ECM2: variants seen among roughly 807,000 people sequenced by gnomAD.
ECM2 encodes extracellular matrix protein 2.
In ECM2, 57 loss-of-function variants were observed where a neutral mutation model predicts 67.5. That is an observed-to-expected ratio of 0.84 (90% CI 0.68 to 1.05). ECM2 has a LOEUF of 1.05. ECM2 is among the 50% of genes least tolerant of loss of function. The probability of loss-of-function intolerance (pLI) is 0.00; values close to 1 mark genes in which losing one functional copy is unlikely to be tolerated. For missense variants in ECM2, 741 were observed against 822.8 expected, an observed-to-expected ratio of 0.90 and a Z score of 1.22; for synonymous variants, 258 against 294.5, an observed-to-expected ratio of 0.88 and a Z score of 1.27.
At chr9:92,545,370 G>C in the ECM2 span, among the ~76,000 whole-genome samples, 1 of 152,216 alleles carries the variant, frequency 6.6e-6, no homozygotes, top group Non-Finnish European at 1.5e-5. Flanking sequence ...CTGGGAGCGG[G>C]CAGTGAGGGA....
At chr9:92,525,427 CTTTT>C (rs959342863) in intron 1 of ECM2, among the ~76,000 whole-genome samples, 1 of 152,156 alleles carries the variant, frequency 6.6e-6, no homozygotes, top group African/African-American at 2.4e-5. Context: ...CACATAATGA[CTTTT>C]TTGTCAGTGA....
intron 8 of ECM2, 129 bp downstream of exon 8, chr9:92,502,384 G>A (rs568087825): frequency 3.4e-6 from 4 of 1,179,858 alleles, no homozygotes; most frequent in Admixed American, 2.6e-5. Flanking sequence ...ACTAAGAAAC[G>A]ATTCTGTCTC....
rs369858665 is a variant in ECM2 at position 92,496,057 on chromosome 9, A to G, written c.*258T>C. ...ACTCTTCTGGTCTAGCTCAGTATGC[A>G]TAATATCCTATTCTAGTGAGATGGC... is the stretch of plus-strand genomic sequence containing the variant. On this transcript the variant is annotated 3_prime_UTR_variant, in exon 10 of 10. Transcript: ENST00000344604. The G allele has an allele frequency of 1.0e-5, 11 of 1,083,878 alleles. No homozygotes were observed. The East Asian group carries it at 2.2e-4, about 21-fold the overall frequency. 67.1% of individuals were successfully genotyped at this position (1,083,878 alleles called of 1,614,324 possible).
chr9:92,551,934 T>TC, the ECM2 span, among the ~76,000 whole-genome samples: 1 of 97,394 alleles, frequency 1.0e-5, no homozygotes, highest in Non-Finnish European at 1.9e-5. Context: ...TGTATATATA[T>TC]ATATATATAT....
chr9:92,511,524 C>G (rs1373777596), intron 5 of ECM2, among the ~76,000 whole-genome samples: 1 of 151,888 alleles, frequency 6.6e-6, no homozygotes, highest in Admixed American at 6.6e-5. Context: ...TCTTCTTCCC[C>G]AAGCTATCCC....
At chr9:92,554,724 G>A in the ECM2 span, among the ~76,000 whole-genome samples, 4 of 151,916 alleles carry the variant, frequency 2.6e-5, no homozygotes, top group South Asian at 2.1e-4. Flanking sequence ...TGCAACCTCC[G>A]CTGCCCGGCT....
chr9:92,528,565 A>G (rs1848555656), intron 1 of ECM2, among the ~76,000 whole-genome samples: 1 of 152,204 alleles, frequency 6.6e-6, no homozygotes, highest in African/African-American at 2.4e-5. Flanking sequence ...AAACAAAACA[A>G]AAAAAACAGG....
At chr9:92,513,801 G>A (rs1049370569) in intron 4 of ECM2, among the ~76,000 whole-genome samples, 3 of 152,194 alleles carry the variant, frequency 2.0e-5, no homozygotes. Flanking sequence ...AAGGAATTTT[G>A]GGGAGTGATA....
intron 2 of ECM2, among the ~76,000 whole-genome samples, chr9:92,520,671 G>A (rs1440037931): frequency 1.3e-5 from 2 of 152,150 alleles, no homozygotes; most frequent in Non-Finnish European, 2.9e-5. Flanking sequence ...TCATAGCTGT[G>A]TTATTCATGA....
intron 5 of ECM2, among the ~76,000 whole-genome samples, chr9:92,510,469 G>GT (rs1847268954): frequency 6.6e-6 from 1 of 152,190 alleles, no homozygotes; most frequent in African/African-American, 2.4e-5. Context: ...GTAAACCTCA[G>GT]TTTTTTATCT....
intron 7 of ECM2, among the ~76,000 whole-genome samples, chr9:92,503,976 C>T (rs1044217311): frequency 1.4e-4 from 21 of 152,144 alleles, no homozygotes; most frequent in Admixed American, 7.2e-4. Flanking sequence ...CGCATTTGTG[C>T]GCTTGTATGC....
At chr9:92,558,709 A>G in the ECM2 span, among the ~76,000 whole-genome samples, 98 of 152,256 alleles carry the variant, frequency 6.4e-4, no homozygotes, top group African/African-American at 2.2e-3. Flanking sequence ...TCCCAAGACT[A>G]TAGGCCCTTT....
At chr9:92,525,534 A>G (rs1010220041) in intron 1 of ECM2, among the ~76,000 whole-genome samples, 1 of 152,204 alleles carries the variant, frequency 6.6e-6, no homozygotes, top group South Asian at 2.1e-4. Context: ...AGCATAACGC[A>G]TTACTCATAA....
chr9:92,522,485 TTCTCCCTC>T (rs1458518195), intron 2 of ECM2, 82 bp downstream of exon 2: 8 of 1,232,002 alleles, frequency 6.5e-6, no homozygotes, highest in Middle Eastern at 2.0e-4. Flanking sequence ...CATGGAGATG[TTCTCCCTC>T]TCTCCCTCTC....
chr9:92,494,377 C>A (rs529314369), downstream of ECM2, among the ~76,000 whole-genome samples: 4 of 152,304 alleles, frequency 2.6e-5, no homozygotes, highest in South Asian at 8.3e-4. Context: ...ACCCTATCTT[C>A]TTGTTTTTAC....
chr9:92,552,024 A>T, the ECM2 span, among the ~76,000 whole-genome samples: 6 of 127,022 alleles, frequency 4.7e-5, no homozygotes, highest in East Asian at 1.3e-3. Flanking sequence ...GATATGATAG[A>T]TCTATCATAT....
At chr9:92,520,750 T>C (rs921169703) in intron 2 of ECM2, among the ~76,000 whole-genome samples, 6 of 152,190 alleles carry the variant, frequency 3.9e-5, no homozygotes, top group African/African-American at 1.4e-4. Flanking sequence ...AAATATGGTA[T>C]AGCCATACAA....
At chr9:92,534,647 T>A (rs1160570474) in intron 1 of ECM2, among the ~76,000 whole-genome samples, 1 of 152,194 alleles carries the variant, frequency 6.6e-6, no homozygotes, top group African/African-American at 2.4e-5. Flanking sequence ...ATTAGCTGAT[T>A]GGCACCTGAA....
chr9:92,525,417 C>T (rs1848330613), intron 1 of ECM2, among the ~76,000 whole-genome samples: 2 of 152,142 alleles, frequency 1.3e-5, no homozygotes, highest in Non-Finnish European at 1.5e-5. Flanking sequence ...AGTCATGTAC[C>T]ACATAATGAC....
Sources: allele counts gnomAD v4.1 joint callset (sites outside exome capture counted in the v4.1 genomes callset), GRCh38; gene constraint gnomAD v4.1.1; transcripts MANE v1.5; gene names NCBI Gene and HGNC (gene_info 2026-07-23, HGNC 2026-07-21).